The following MORN4 variants were observed in gnomAD, a reference collection of about 807,000 sequenced individuals.
MORN4 encodes the protein MORN repeat-containing protein 4.
MORN4 carries 8 observed loss-of-function variants against 16.4 expected under a neutral mutation model. That is an observed-to-expected ratio of 0.49 (90% confidence interval 0.29 to 0.88). The LOEUF is 0.88. Among genes scored for constraint, MORN4 ranks in the 40% least tolerant of loss-of-function variants. MORN4 has a pLI of 0.09. For synonymous variants in MORN4, 53 were observed against 68.9 expected (o/e 0.77, Z 1.14); for missense variants, 159 against 182.9 (o/e 0.87, Z 0.75).
chr10:97,617,153 T>G (rs1238999074), intron 3 of MORN4, 55 bp downstream of exon 3: 2 of 1,387,442 alleles, frequency 1.4e-6, no homozygotes. Flanking sequence ...GAGTCCCATT[T>G]TTCTGTCAGA....
upstream of MORN4, among the ~76,000 whole-genome samples, chr10:97,633,940 A>C (rs2041419963): frequency 1.3e-5 from 2 of 152,206 alleles, no homozygotes; most frequent in African/African-American, 4.8e-5. This position sits in a 1 kb window ranked among gnomAD's most constrained non-coding sequence, Gnocchi z 4.5. Context: ...ACACTTTTGC[A>C]TTCATTATAG....
Position 97,629,692 on chromosome 10 carries a change from A to G in MORN4, c.-31+3655T>C, listed in dbSNP as rs2041378074. Among the ~76,000 whole-genome samples, 4 of 151,956 alleles carry G rather than the reference A, an allele frequency of 2.6e-5. No homozygotes were observed. The South Asian group carries it at 8.3e-4, about 32-fold the overall frequency. On this transcript the variant is annotated intron_variant, in intron 1 of 4. Transcript: ENST00000307450. ...TCAGGGAGCAGAGAGAGGCCTCCCC[A>G]TGGTGCCAGGTCCAAATTCCCTCAC...
chr10:97,630,039 C>T (rs1197821389), intron 1 of MORN4, among the ~76,000 whole-genome samples: 2 of 151,858 alleles, frequency 1.3e-5, no homozygotes, highest in Non-Finnish European at 2.9e-5. Flanking sequence ...ATTCTCCTGC[C>T]TCAGCCTCCC....
chr10:97,618,162 G>A (rs1239223488), intron 2 of MORN4, among the ~76,000 whole-genome samples: 1 of 150,890 alleles, frequency 6.6e-6, no homozygotes, highest in Non-Finnish European at 1.5e-5. Context: ...CGGGCAACAA[G>A]AGCAAAACTC....
intron 1 of MORN4, among the ~76,000 whole-genome samples, chr10:97,623,213 C>T (rs1349354942): frequency 6.6e-6 from 1 of 152,188 alleles, no homozygotes; most frequent in Non-Finnish European, 1.5e-5. Context: ...TACTTCAAAG[C>T]TTGTGGCCTA....
At chr10:97,617,019 A>T (rs949612260) in intron 3 of MORN4, among the ~76,000 whole-genome samples, 189 bp downstream of exon 3, 2 of 152,160 alleles carry the variant, frequency 1.3e-5, no homozygotes, top group African/African-American at 4.8e-5. Context: ...GTGGAAAGTC[A>T]CTCACTTGGT....
At chr10:97,633,689 C>A, upstream of MORN4, 1 of 1,221,930 alleles carries the variant, frequency 8.2e-7, no homozygotes, top group Non-Finnish European at 1.1e-6. This position sits in a 1 kb window ranked among gnomAD's most constrained non-coding sequence, Gnocchi z 4.5. Flanking sequence ...CAGATCTGGC[C>A]TACCCAGAGG....
upstream of MORN4, chr10:97,633,705 T>C (rs1343359217): frequency 4.3e-6 from 5 of 1,174,694 alleles, no homozygotes; most frequent in Non-Finnish European, 5.4e-6. The surrounding 1 kb of genome is among the most constrained non-coding windows in gnomAD (Gnocchi z 4.5). Context: ...AGAGGCCGTC[T>C]AGTTGAAATG....
In MORN4 at chr10:97,617,336, A is replaced by G. The variant is rs765662937; in HGVS notation, c.68-14T>C. 4.5e-5 allele frequency: 73 copies of G among 1,610,916 alleles called. No homozygotes were observed. Among genetic ancestry groups the G allele is most frequent in the Non-Finnish European group, 6.1e-5 (72 of 1,177,136 alleles). On this transcript the variant is annotated splice_polypyrimidine_tract_variant and intron_variant, in intron 2 of 4. Coordinates refer to ENST00000307450, the MANE Select transcript of MORN4 (RefSeq NM_178832.4). ...CATGCCTGCGGCCTGAACAAAGAGA[A>G]GGATAGGTGTCAGGTTGGAAGGAGG...
intron 1 of MORN4, among the ~76,000 whole-genome samples, chr10:97,626,459 T>C (rs998029434): frequency 4.8e-5 from 7 of 145,798 alleles, no homozygotes; most frequent in East Asian, 2.0e-4. Flanking sequence ...TTCTCTCTCT[T>C]TTTTTTTTTT....
chr10:97,627,056 C>T (rs1335483466), intron 1 of MORN4, among the ~76,000 whole-genome samples: 1 of 151,586 alleles, frequency 6.6e-6, no homozygotes, highest in African/African-American at 2.4e-5. Flanking sequence ...TGTGCCCGGC[C>T]TGATTTTTGT....
chr10:97,624,947 C>G (rs562208854), intron 1 of MORN4, among the ~76,000 whole-genome samples: 110 of 152,250 alleles, frequency 7.2e-4, no homozygotes, highest in African/African-American at 2.5e-3. Context: ...CCTGCCGCGG[C>G]CTCCCAAAGT....
chr10:97,616,871 T>G, intron 3 of MORN4, 84 bp from the exon 4 acceptor site: 1 of 963,096 alleles, frequency 1.0e-6, no homozygotes. Context: ...ATCTCTGTTA[T>G]TTAATGATGC....
intron 1 of MORN4, among the ~76,000 whole-genome samples, chr10:97,628,932 T>C (rs992887585): frequency 7.2e-5 from 11 of 152,252 alleles, no homozygotes. Flanking sequence ...TATTACCAAA[T>C]GTGGCGGACT....
intron 1 of MORN4, among the ~76,000 whole-genome samples, chr10:97,629,687 TC>T (rs1262030193): frequency 6.6e-6 from 1 of 151,888 alleles, no homozygotes; most frequent in African/African-American, 2.4e-5. Flanking sequence ...GAGAGAGGCC[TC>T]CCCATGGTGC....
Position 97,616,537 on chromosome 10 carries a change from C to T in MORN4, c.293-126G>A, listed in dbSNP as rs2041237899. 3.9e-6 allele frequency: 5 copies of T among 1,278,606 alleles called. No homozygotes were observed. The South Asian group carries it at 5.6e-5, about 14-fold the overall frequency. The allele number at this position is 1,278,606 out of a possible 1,614,324, so 79.2% of individuals were successfully genotyped here. A position where few individuals can be genotyped will look rare whatever the true frequency, so the allele number is the denominator to read the frequency against. On this transcript the variant is annotated intron_variant, in intron 4 of 4. Transcript: ENST00000307450. ...AAACTCCCAGCTCTACTCAGGAGTA[C>T]TCTATTGATGAGTTCAATGGATAGG...
At chr10:97,622,502 A>G (rs1257175527) in intron 1 of MORN4, among the ~76,000 whole-genome samples, 1 of 152,000 alleles carries the variant, frequency 6.6e-6, no homozygotes, top group Admixed American at 6.6e-5. Context: ...CCTGGGCAAT[A>G]TGGTGAAACC....
At chr10:97,618,787 G>GT (rs374979684) in intron 2 of MORN4, among the ~76,000 whole-genome samples, 19,964 of 133,488 alleles carry the variant, frequency 0.15, 1,688 homozygotes, top group South Asian at 0.26. Context: ...GATACTGGTT[G>GT]TTTTTTTTTT....
intron 1 of MORN4, among the ~76,000 whole-genome samples, chr10:97,624,384 G>A (rs2041330491): frequency 6.6e-6 from 1 of 152,088 alleles, no homozygotes; most frequent in Non-Finnish European, 1.5e-5. Context: ...AACATTTACT[G>A]ACCTCTTACT....
Sources: allele counts gnomAD v4.1 joint callset (sites outside exome capture counted in the v4.1 genomes callset), GRCh38; gene constraint gnomAD v4.1.1; non-coding constraint Gnocchi (gnomAD v3.1); transcripts MANE v1.5; gene names NCBI Gene and HGNC (gene_info 2026-07-23, HGNC 2026-07-21).